TNN: variants seen among roughly 807,000 people sequenced by gnomAD.
TNN encodes the protein tenascin N, also known as tenascin-N.
TNN carries 122 observed loss-of-function variants against 134.4 expected under a neutral mutation model. The observed-to-expected ratio is 0.91, with a 90% CI of 0.78 to 1.06. TNN has a LOEUF of 1.06. Ranked by LOEUF, TNN falls within the 50% of genes least tolerant of loss-of-function variation. The probability of loss-of-function intolerance (pLI) is 0.00; values close to 1 mark genes in which losing one functional copy is unlikely to be tolerated. For missense variants in TNN, 1,739 were observed against 1,699.4 expected (o/e 1.02, Z -0.41); for synonymous variants, 710 against 670.3 (o/e 1.06, Z -0.91).
intron 6 of TNN, among the ~76,000 whole-genome samples, chr1:175,091,836 C>T (rs1674456593): frequency 6.6e-6 from 1 of 152,148 alleles, no homozygotes; most frequent in Admixed American, 6.5e-5. Context: ...GTGATCCACC[C>T]AGCTTCACCT....
chr1:175,127,216 A>G, intron 13 of TNN, 131 bp downstream of exon 13: 1 of 1,121,610 alleles, frequency 8.9e-7, no homozygotes, highest in South Asian at 1.5e-5. Context: ...CTGGTTGTAC[A>G]TCTGCCCCGG....
chr1:175,101,990 A>G lies in TNN; in HGVS notation c.2119+3395A>G, dbSNP rs182085694. Among the ~76,000 whole-genome samples the G allele has an allele frequency of 1.0e-4, 15 of 143,460 alleles. 1 individual carries two copies. Among genetic ancestry groups the G allele is most frequent in the Admixed American group, 3.5e-4 (5 of 14,284 alleles). 94.1% of individuals were successfully genotyped at this position (143,460 alleles called of 152,430 possible). On this transcript the variant is annotated intron_variant, in intron 9 of 18. Transcript: ENST00000239462. ...CGTCCTCATCAGAGCAGCTAGATACAGAGTGTCGATTGGTGCACTCACAAA... is the reference window on the plus strand; with the variant it reads ...CGTCCTCATCAGAGCAGCTAGATACGGAGTGTCGATTGGTGCACTCACAAA...
intron 1 of TNN, among the ~76,000 whole-genome samples, chr1:175,070,657 A>G (rs1038541358): frequency 1.3e-5 from 2 of 152,236 alleles, no homozygotes; most frequent in Non-Finnish European, 2.9e-5. Context: ...AACATCACAG[A>G]GACTAGAAAT....
chr1:175,141,928 C>T (rs1441314874), intron 17 of TNN, among the ~76,000 whole-genome samples: 1 of 152,194 alleles, frequency 6.6e-6, no homozygotes, highest in Non-Finnish European at 1.5e-5. Flanking sequence ...TGAAAACCTG[C>T]TTTACCTTTC....
At chr1:175,072,913 C>A (rs1398670997) in intron 1 of TNN, among the ~76,000 whole-genome samples, 1 of 136,764 alleles carries the variant, frequency 7.3e-6, no homozygotes, top group Admixed American at 8.2e-5. Context: ...TGGTTGATGG[C>A]AAGAGTCCAC....
At chr1:175,118,850 A>G (rs1382201246) in intron 11 of TNN, 26 bp downstream of exon 11, 1 of 1,612,394 alleles carries the variant, frequency 6.2e-7, no homozygotes, top group African/African-American at 1.3e-5. Flanking sequence ...AGAAGAGCAA[A>G]CCCGGGTAGT....
intron 12 of TNN, among the ~76,000 whole-genome samples, chr1:175,126,327 C>A (rs6660052): frequency 0.44 from 66,613 of 151,722 alleles, 15,698 homozygotes; most frequent in African/African-American, 0.59. Context: ...GTGTCGAACT[C>A]TTGACCTTGT....
At chr1:175,075,853 C>T (rs900215703) in intron 1 of TNN, among the ~76,000 whole-genome samples, 6 of 152,130 alleles carry the variant, frequency 3.9e-5, no homozygotes, top group African/African-American at 1.4e-4. Context: ...TCCACCATAT[C>T]CCAACTGCCT....
In TNN at chr1:175,087,254, TG is replaced by T. The variant is rs1345650980; in HGVS notation, c.1324+1763del. Among the ~76,000 whole-genome samples the T allele has an allele frequency of 2.0e-5, 3 of 152,180 alleles. No homozygotes were observed. The East Asian group carries it at 5.8e-4, about 29-fold the overall frequency. The stretch of plus-strand genomic sequence containing the variant: ...GATTTTGAGGACTTCAATATTTAAA[TG>T]GGAAAAGTGGGCTGAAGAGGAAATA... On this transcript the variant is annotated intron_variant, in intron 6 of 18. Transcript: ENST00000239462.
At chr1:175,097,291 A>G in intron 7 of TNN, 126 bp from the exon 8 acceptor site, 1 of 1,233,174 alleles carries the variant, frequency 8.1e-7, no homozygotes, top group Middle Eastern at 2.4e-4. Context: ...CTTTACATTA[A>G]CTCAATCATT....
At chr1:175,127,925 T>C (rs984485425) in intron 13 of TNN, 107 bp from the exon 14 acceptor site, 4 of 1,375,102 alleles carry the variant, frequency 2.9e-6, no homozygotes, top group Non-Finnish European at 1.0e-6. Flanking sequence ...AACACTGTGC[T>C]CTCAGAGAGC....
chr1:175,082,641 G>A (rs1308044441), intron 4 of TNN, among the ~76,000 whole-genome samples: 3 of 152,142 alleles, frequency 2.0e-5, no homozygotes, highest in Non-Finnish European at 2.9e-5. Flanking sequence ...TGATTGAATC[G>A]GGGACGTTCA....
rs1470323590 is a variant in TNN at position 175,077,679 on chromosome 1, G to T, written c.261G>T (p.Arg87Ser). The T allele has an allele frequency of 6.2e-7, 1 of 1,614,196 alleles. No homozygotes were observed. The highest frequency in any genetic ancestry group is 8.5e-7 in the Non-Finnish European group (1 of 1,180,042). The change falls in exon 2 of 19, where the codon AGG becomes AGT. Residue 87 changes from arginine (R) to serine (S), a missense_variant. Coordinates refer to ENST00000239462, the MANE Select transcript of TNN (RefSeq NM_022093.2). ...EAREEQNIIFRHNIRLQTPQK... is the reference protein window; with the variant it reads ...EAREEQNIIFSHNIRLQTPQK... ...GGGAGGAACAGAACATCATCTTCAG[G>T]CACAACATCCGCCTTCAGACGCCAC...
Position 175,126,935 on chromosome 1 carries a change from A to G in TNN, c.2915-20A>G, listed in dbSNP as rs754662563. On this transcript the variant is annotated intron_variant, in intron 12 of 18. Transcript: ENST00000239462. Reference sequence around the variant, plus strand: ...CAGTTGTATCTTAGTAATAACAATTACCTGACTTTCTACGTACAGAACTCG... The same window carrying G: ...CAGTTGTATCTTAGTAATAACAATTGCCTGACTTTCTACGTACAGAACTCG... 6.3e-7 allele frequency: 1 copy of G among 1,597,008 alleles called. No individual in the cohort carries two copies. Among genetic ancestry groups the G allele is most frequent in the African/African-American group, 1.4e-5 (1 of 73,942 alleles).
chr1:175,070,424 A>C (rs943454127), intron 1 of TNN, among the ~76,000 whole-genome samples: 5 of 152,212 alleles, frequency 3.3e-5, no homozygotes, highest in Non-Finnish European at 5.9e-5. Context: ...GCGGGTGGGC[A>C]GACTTGATGG....
In TNN at chr1:175,094,235, G is replaced by A. The variant is rs369885033; in HGVS notation, c.1570G>A (p.Asp524Asn). 2 of 1,607,708 alleles carry A rather than the reference G, an allele frequency of 1.2e-6. No homozygotes were observed. The highest frequency in any genetic ancestry group is 1.1e-5 in the South Asian group (1 of 90,310). The stretch of plus-strand genomic sequence containing the variant: ...GGGCAACCAGGGGAGCAAGAAAGCT[G>A]ACACCAATGCCCTCACAGGTAACAG... The part of the protein sequence containing the change: ...ERGNQGSKKA[D>N]TNALTEIDSP... The change falls in exon 7 of 19, where the codon GAC becomes AAC. Residue 524 changes from aspartate to asparagine, a missense_variant. By Grantham distance (23) the Asp-to-Asn change is conservative. Transcript: ENST00000239462.
At position 175,136,329 on chromosome 1, in the gene TNN, T is replaced by C. The variant is rs1030854008; in HGVS notation, c.3427+388T>C. 2.6e-5 allele frequency among the ~76,000 whole-genome samples: 4 copies of C among 152,232 alleles called. No individual in the cohort carries two copies. In the East Asian group the frequency reaches 5.8e-4, roughly 22 times the overall value. ...CATTATGAGCAATTTTTTCCCCCTT[T>C]TCCCTCTGCTCTCCTCTGGAGCAGA... On this transcript the variant is annotated intron_variant, in intron 16 of 18. Transcript: ENST00000239462.
At chr1:175,145,597 AC>A (rs1401652741) in intron 18 of TNN, among the ~76,000 whole-genome samples, 1 of 137,172 alleles carries the variant, frequency 7.3e-6, no homozygotes, top group Non-Finnish European at 1.5e-5. Context: ...TCCTTTGATC[AC>A]CAGGAAAACA....
intron 16 of TNN, among the ~76,000 whole-genome samples, 173 bp downstream of exon 16, chr1:175,136,114 T>G (rs1675804106): frequency 6.6e-6 from 1 of 152,120 alleles, no homozygotes; most frequent in South Asian, 2.1e-4. Context: ...AAGGCTGTCT[T>G]GCACTCTGAA....
Sources: gnomAD v4.1 joint callset for allele counts (sites outside exome capture counted in the v4.1 genomes callset) on GRCh38, gnomAD v4.1.1 for gene constraint, MANE v1.5 for transcripts, NCBI Gene and HGNC (gene_info 2026-07-23, HGNC 2026-07-21) for gene names.